ZFAND4: variants seen among roughly 807,000 people sequenced by gnomAD.
The protein encoded by ZFAND4 is AN1-type zinc finger protein 4.
ZFAND4 carries 43 observed loss-of-function variants against 64.4 expected under a neutral mutation model. The ratio of observed to expected loss-of-function variants is 0.67; its 90% CI spans 0.52 to 0.86. ZFAND4 has a LOEUF of 0.86. ZFAND4 is among the 40% of genes least tolerant of loss of function. The probability of loss-of-function intolerance (pLI) is 0.00; values close to 1 mark genes in which losing one functional copy is unlikely to be tolerated. For synonymous variants in ZFAND4, 296 were observed against 305.7 expected (o/e 0.97, Z 0.33); for missense variants, 929 against 859.8 (o/e 1.08, Z -1.01).
chr10:45,661,955 A>G (rs2048504520), intron 2 of ZFAND4, among the ~76,000 whole-genome samples: 1 of 151,864 alleles, frequency 6.6e-6, no homozygotes, highest in South Asian at 2.1e-4. Context: ...AAAAAAAAAA[A>G]AAAGATACTA....
At chr10:45,618,306 A>T in intron 8 of ZFAND4, 46 bp from the exon 9 acceptor site, 1 of 1,594,704 alleles carries the variant, frequency 6.3e-7, no homozygotes, top group Non-Finnish European at 8.5e-7. Flanking sequence ...ATAAAATCCT[A>T]AACATGAAAT....
intron 4 of ZFAND4, among the ~76,000 whole-genome samples, 158 bp downstream of exon 4, chr10:45,651,808 G>C (rs1442573129): frequency 6.6e-6 from 1 of 152,118 alleles, no homozygotes; most frequent in Non-Finnish European, 1.5e-5. Context: ...CAGCCTCTAG[G>C]CATTTAGGTT....
intron 2 of ZFAND4, among the ~76,000 whole-genome samples, chr10:45,662,345 TCTC>T (rs1317307038): frequency 2.6e-5 from 4 of 152,136 alleles, no homozygotes; most frequent in African/African-American, 9.7e-5. Context: ...GAGTTATTAA[TCTC>T]CTCTAAACCC....
chr10:45,647,281 C>T (rs138538403), intron 5 of ZFAND4, among the ~76,000 whole-genome samples: 1 of 152,254 alleles, frequency 6.6e-6, no homozygotes, highest in East Asian at 1.9e-4. Flanking sequence ...ATAAGAGTGA[C>T]TCTGTAAGTA....
At chr10:45,627,889 TC>T in intron 6 of ZFAND4, among the ~76,000 whole-genome samples, 1 of 152,358 alleles carries the variant, frequency 6.6e-6, no homozygotes. Context: ...GCACTTGGTT[TC>T]CTCCAGACGT....
rs117021421 is a variant in ZFAND4 at position 45,664,792 on chromosome 10, G to A, written c.-117-950C>T. ...AATACAAGAAAAAAATGAGCTGGGC[G>A]TGGCGGTGTCTGCCTGTAGTCCCAG... On this transcript the variant is annotated intron_variant, in intron 1 of 9. Transcript: ENST00000344646. Among the ~76,000 whole-genome samples, 1,285 of 152,028 alleles carry A rather than the reference G, an allele frequency of 8.5e-3. 7 individuals carry two copies. Among genetic ancestry groups the A allele is most frequent in the Admixed American group, 0.014 (207 of 15,290 alleles).
intron 4 of ZFAND4, chr10:45,648,841 T>C: frequency 1.4e-6 from 1 of 699,580 alleles, no homozygotes; most frequent in Non-Finnish European, 1.8e-6. Flanking sequence ...GTCACTAGAG[T>C]CTGTGTATTT....
chr10:45,638,366 C>A lies in ZFAND4; in HGVS notation c.717+1450G>T, dbSNP rs142579723. ...AAAATTAGCCCGGCGTAGTGGCGGG[C>A]GCCTGTGGTCTCAGCTACTCAGGAG... On this transcript the variant is annotated intron_variant, in intron 6 of 9. Coordinates refer to ENST00000344646, the MANE Select transcript of ZFAND4 (RefSeq NM_174890.4). Among the ~76,000 whole-genome samples the A allele has an allele frequency of 1.2e-3, 177 of 149,646 alleles. 1 individual carries two copies. Among genetic ancestry groups the A allele is most frequent in the African/African-American group, 4.3e-3 (175 of 40,814 alleles).
chr10:45,635,372 C>A (rs925047858), intron 6 of ZFAND4, among the ~76,000 whole-genome samples: 8 of 151,908 alleles, frequency 5.3e-5, no homozygotes, highest in Non-Finnish European at 4.4e-5. Context: ...GTCCACAGAC[C>A]CACAGTGAAC....
chr10:45,620,713 T>C (rs1333596668), intron 8 of ZFAND4: 5 of 152,190 alleles, frequency 3.3e-5, no homozygotes, highest in Admixed American at 6.5e-5. Flanking sequence ...ATTTAAGGTA[T>C]TATTATGTCC....
In ZFAND4 at chr10:45,626,764, A is replaced by G. The variant is rs759219149; in HGVS notation, c.1059T>C (p.Ala353=). The G allele has an allele frequency of 6.2e-7, 1 of 1,614,228 alleles. No homozygotes were observed. Among genetic ancestry groups the G allele is most frequent in the Non-Finnish European group, 8.5e-7 (1 of 1,180,040 alleles). Residue 353 remains alanine (A), a synonymous_variant, in exon 7 of 10, where the codon GCT becomes GCC. Coordinates refer to ENST00000344646, the MANE Select transcript of ZFAND4 (RefSeq NM_174890.4). Reference sequence around the variant, plus strand: ...ATGATCCAAGATGGAGAACAGAGTCAGCAAGCTCCTGGTCATTTCCCAACT... The same window carrying G: ...ATGATCCAAGATGGAGAACAGAGTCGGCAAGCTCCTGGTCATTTCCCAACT... ...HLELGNDQEL[A]DSVLHLGSSL...
At chr10:45,638,577 T>C (rs1355926899) in intron 6 of ZFAND4, among the ~76,000 whole-genome samples, 1 of 152,200 alleles carries the variant, frequency 6.6e-6, no homozygotes, top group Non-Finnish European at 1.5e-5. Flanking sequence ...GCATCTTCCC[T>C]CTGACTCCGA....
chr10:45,648,164 C>A (rs1287769297), intron 5 of ZFAND4, 130 bp downstream of exon 5: 51 of 908,968 alleles, frequency 5.6e-5, no homozygotes, highest in Non-Finnish European at 7.5e-5. Context: ...TCAGTTTTAT[C>A]ATATCAATTA....
rs79955152 is a variant in ZFAND4, at chr10:45,646,285, C to T, written c.569+2009G>A. 4.3e-3 allele frequency among the ~76,000 whole-genome samples: 647 copies of T among 152,172 alleles called. 5 individuals are homozygous for T. Among genetic ancestry groups the T allele is most frequent in the Non-Finnish European group, 6.3e-3 (427 of 68,004 alleles). ...AATATCCTTGATGCTGTCTCTTGGCCTAAAAATCCTAAAATAGTTACTATC... is the reference window on the plus strand; with the variant it reads ...AATATCCTTGATGCTGTCTCTTGGCTTAAAAATCCTAAAATAGTTACTATC... On this transcript the variant is annotated intron_variant, in intron 5 of 9. Transcript: ENST00000344646.
Position 45,626,291 on chromosome 10 carries a change from T to C in ZFAND4, c.1532A>G (p.Asp511Gly), listed in dbSNP as rs577864237. ...AGAAGAATCAGTTATGTTTTGAACA[T>C]CCAGTGACTGAGAAGAAGAAGGCTG... ...KLQPSSSQSL[D>G]VQNITDSSFS... Residue 511 changes from aspartate (D) to glycine (G), a missense_variant, in exon 7 of 10, where the codon GAT (aspartate) becomes GGT (glycine). By Grantham distance (94) the Asp-to-Gly change is moderately conservative. Coordinates refer to ENST00000344646, the MANE Select transcript of ZFAND4 (RefSeq NM_174890.4). 1.9e-6 allele frequency: 3 copies of C among 1,614,182 alleles called. No homozygotes were observed. Among genetic ancestry groups the C allele is most frequent in the South Asian group, 1.1e-5 (1 of 91,088 alleles).
intron 1 of ZFAND4, among the ~76,000 whole-genome samples, chr10:45,671,723 C>T (rs527736213): frequency 2.0e-5 from 3 of 151,818 alleles, no homozygotes; most frequent in Admixed American, 6.6e-5. Flanking sequence ...AAGAGAAATA[C>T]GCAATATAAA....
At chr10:45,625,473 CAAAAAAAAAAAA>C (rs1195950172) in intron 7 of ZFAND4, among the ~76,000 whole-genome samples, 2 of 53,088 alleles carry the variant, frequency 3.8e-5, no homozygotes, top group African/African-American at 8.2e-5. Context: ...GACTCCGTCT[CAAAAAAAAAAAA>C]AAAAAAAAAG....
At chr10:45,670,763 A>G (rs1420330778) in intron 1 of ZFAND4, among the ~76,000 whole-genome samples, 1 of 152,256 alleles carries the variant, frequency 6.6e-6, no homozygotes, top group African/African-American at 2.4e-5. Context: ...CATTCAGGAC[A>G]TAGGCATGAG....
Position 45,626,195 on chromosome 10 carries a change from T to C in ZFAND4, c.1628A>G (p.Lys543Arg), listed in dbSNP as rs148931217. 21 of 1,614,166 alleles carry C rather than the reference T, an allele frequency of 1.3e-5. No individual in the cohort carries two copies. Among genetic ancestry groups the C allele is most frequent in the East Asian group, 2.2e-5 (1 of 44,884 alleles). Residue 543 changes from lysine (K) to arginine (R), a missense_variant, in exon 7 of 10, where the codon AAA becomes AGA. Lys to Arg is a conservative substitution (Grantham distance 26). Transcript: ENST00000344646. ...TTCTGTGATATCCCGAGCCTCAACT[T>C]TGGAAATAACATCAGATCTTTTCCC... ...SLGKRSDVISKVEARDITEMT... is the reference protein window; with the variant it reads ...SLGKRSDVISRVEARDITEMT...
Sources: allele counts gnomAD v4.1 joint callset (sites outside exome capture counted in the v4.1 genomes callset), GRCh38; gene constraint gnomAD v4.1.1; transcripts MANE v1.5; gene names NCBI Gene and HGNC (gene_info 2026-07-23, HGNC 2026-07-21).